The following RYR3 variants were observed in gnomAD, a reference collection of about 807,000 sequenced individuals.
RYR3 encodes the protein ryanodine receptor 3.
Under a neutral mutation model 584.3 loss-of-function variants are expected in RYR3, and 207 were observed. The observed-to-expected ratio is 0.35, with a 90% CI of 0.32 to 0.40. The LOEUF is 0.40. Among genes scored for constraint, RYR3 ranks in the 10% least tolerant of loss-of-function variants. The pLI is 1.00. For missense variants in RYR3, 5,616 were observed against 6,089.2 expected (o/e 0.92, Z 2.59); for synonymous variants, 2,416 against 2,248.5 (o/e 1.07, Z -2.11).
Position 33,581,447 on chromosome 15 carries a change from C to T in RYR3, c.1438-61C>T, listed in dbSNP as rs529554523. The T allele has an allele frequency of 2.0e-6, 3 of 1,527,278 alleles. No individual in the cohort carries two copies. In the African/African-American group the frequency reaches 4.1e-5, roughly 21 times the overall value. 94.6% of individuals were successfully genotyped at this position (1,527,278 alleles called of 1,614,324 possible). On this transcript the variant is annotated intron_variant, in intron 13 of 103. Transcript: ENST00000634891. ...GTGAATGATACAGGAGGGGAAAGAG[C>T]ATAAGGGACTGTGCTTTCTTAATCA...
chr15:33,375,516 C>T lies in RYR3; in HGVS notation c.51+64420C>T, dbSNP rs142708156. On this transcript the variant is annotated intron_variant, in intron 1 of 103. Coordinates refer to ENST00000634891, the MANE Select transcript of RYR3 (RefSeq NM_001036.6). ...TGAGTTCTGGGTAAAGCCAGATAGG[C>T]ATATTTCAAGGCTCCAGACTCAAAC... 3.3e-5 allele frequency among the ~76,000 whole-genome samples: 5 copies of T among 152,256 alleles called. No homozygotes were observed. The East Asian group carries it at 9.7e-4, about 29-fold the overall frequency.
rs1566894697 is a variant in RYR3, at chr15:33,659,719, G to C, written c.4309-1G>C. ...AGCTTTCGATTTGTTTTGATTTCCA[G>C]GTGGAGCCTAATACCAAAGTGTTTC... On this transcript the variant is annotated splice_acceptor_variant, in intron 32 of 103. Transcript: ENST00000634891. LOFTEE classifies it high-confidence loss of function. 6.2e-7 allele frequency: 1 copy of C among 1,603,036 alleles called. No homozygotes were observed. The highest frequency in any genetic ancestry group is 8.5e-7 in the Non-Finnish European group (1 of 1,169,970).
At chr15:33,807,809 G>C (rs2076285430) in intron 70 of RYR3, 4 of 560,680 alleles carry the variant, frequency 7.1e-6, no homozygotes, top group Non-Finnish European at 9.6e-6. Context: ...AGGTCTCCTT[G>C]CTATCTCTGC....
At chr15:33,701,819 A>G (rs974579727) in intron 42 of RYR3, among the ~76,000 whole-genome samples, 12 of 152,222 alleles carry the variant, frequency 7.9e-5, no homozygotes, top group Middle Eastern at 3.4e-3. Flanking sequence ...GATCAGCCGC[A>G]TTGTTGGGGA....
At chr15:33,578,800 C>T (rs1485912572) in intron 12 of RYR3, among the ~76,000 whole-genome samples, 9 of 143,542 alleles carry the variant, frequency 6.3e-5, no homozygotes, top group Admixed American at 6.1e-4. Context: ...AAAAACTCCT[C>T]GTGATGTTAC....
intron 26 of RYR3, 97 bp downstream of exon 26, chr15:33,635,916 A>G (rs1278450873): frequency 9.6e-7 from 1 of 1,041,718 alleles, no homozygotes. Context: ...TCTGGCTTCA[A>G]AGTGAGTGAC....
Position 33,831,017 on chromosome 15 carries a change from T to C in RYR3, c.11389T>C (p.Ser3797Pro). The C allele has an allele frequency of 1.9e-6, 3 of 1,613,784 alleles. No homozygotes were observed. The African/African-American group carries it at 4.0e-5, about 21-fold the overall frequency. The change falls in exon 86 of 104, where the codon TCT becomes CCT. Residue 3797 changes from serine (S) to proline (P), a missense_variant. By Grantham distance (74) the Ser-to-Pro change is moderately conservative. Coordinates refer to ENST00000634891, the MANE Select transcript of RYR3 (RefSeq NM_001036.6). ...YYSGKDIIDE[S>P]GQHNFSKALA... Reference sequence around the variant, plus strand: ...TTCAGGGAAGGACATCATTGATGAATCTGGACAGCACAATTTTTCCAAAGC... The same window carrying C: ...TTCAGGGAAGGACATCATTGATGAACCTGGACAGCACAATTTTTCCAAAGC...
In RYR3 at chr15:33,785,915, C is replaced by A; in HGVS notation, c.9522C>A (p.Gly3174=). The change falls in exon 66 of 104, where the codon GGC becomes GGA. Residue 3174 remains glycine, a synonymous_variant. Transcript: ENST00000634891. ...VTSEHLSLIL[G]NILKIINNNL... ...CTGAACACCTCAGTCTCATCCTGGG[C>A]AACATTCTGAAAATCATCAACAACA... 1 of 1,611,364 alleles carries A rather than the reference C, an allele frequency of 6.2e-7. No individual in the cohort carries two copies. Among genetic ancestry groups the A allele is most frequent in the Non-Finnish European group, 8.5e-7 (1 of 1,178,182 alleles).
intron 2 of RYR3, among the ~76,000 whole-genome samples, chr15:33,485,659 C>T (rs1325798820): frequency 6.6e-6 from 1 of 152,146 alleles, no homozygotes; most frequent in Non-Finnish European, 1.5e-5. Flanking sequence ...AATGGCATTT[C>T]CAAATAGTGT....
At position 33,742,347 on chromosome 15, in the gene RYR3, T is replaced by G; in HGVS notation, c.7821-19T>G. On this transcript the variant is annotated intron_variant, in intron 51 of 103. Coordinates refer to ENST00000634891, the MANE Select transcript of RYR3 (RefSeq NM_001036.6). The stretch of plus-strand genomic sequence containing the variant: ...TGAAGTGCTTGGGGAGGTTGTAATT[T>G]TTTTTCCTCATTTCACAGTTTTTCC... 6.4e-7 allele frequency: 1 copy of G among 1,571,652 alleles called. No homozygotes were observed. The highest frequency in any genetic ancestry group is 8.8e-7 in the Non-Finnish European group (1 of 1,141,558).
intron 80 of RYR3, among the ~76,000 whole-genome samples, chr15:33,822,017 C>CATTCATTCATT (rs2077134217): frequency 4.6e-5 from 7 of 151,414 alleles, no homozygotes; most frequent in Admixed American, 2.6e-4. Flanking sequence ...GTTCGTTCAT[C>CATTCATTCATT]CATTCATTCA....
intron 3 of RYR3, among the ~76,000 whole-genome samples, chr15:33,516,270 C>A (rs537610809): frequency 2.0e-5 from 3 of 152,002 alleles, no homozygotes; most frequent in Admixed American, 1.3e-4. Flanking sequence ...GCATGCCCCC[C>A]CCGAAATGAT....
In RYR3 at chr15:33,623,812, G is replaced by A. The variant is rs756680726; in HGVS notation, c.2363G>A (p.Arg788His). 8.7e-6 allele frequency: 14 copies of A among 1,608,740 alleles called. No homozygotes were observed. The highest frequency in any genetic ancestry group is 2.2e-5 in the East Asian group (1 of 44,868). Reference protein sequence around the residue: ...VMSFSAGVKVRFLMGGRHGEF... With the variant: ...VMSFSAGVKVHFLMGGRHGEF... ...CTGCTATCTTCAAATGACAGAGTAC[G>A]TTTCCTGATGGGTGGACGTCATGGA... Residue 788 changes from arginine (R) to histidine (H), a missense_variant, in exon 20 of 104, where the codon CGT becomes CAT. By Grantham distance (29) the Arg-to-His change is conservative. Coordinates refer to ENST00000634891, the MANE Select transcript of RYR3 (RefSeq NM_001036.6).
At position 33,680,961 on chromosome 15, in the gene RYR3, C is replaced by G. The variant is rs138744924; in HGVS notation, c.5860+10405C>G. Among the ~76,000 whole-genome samples the G allele has an allele frequency of 2.4e-4, 36 of 152,330 alleles. No homozygotes were observed. The East Asian group carries it at 5.8e-3, about 24-fold the overall frequency. On this transcript the variant is annotated intron_variant, in intron 38 of 103. Coordinates refer to ENST00000634891, the MANE Select transcript of RYR3 (RefSeq NM_001036.6). The stretch of plus-strand genomic sequence containing the variant: ...TGTGTTCTAGAAACTGGAGACTGTG[C>G]TGTCTGTAATCTACATACGTTACCT...
chr15:33,414,358 T>A (rs1205305587), intron 1 of RYR3, among the ~76,000 whole-genome samples: 1 of 152,286 alleles, frequency 6.6e-6, no homozygotes, highest in East Asian at 1.9e-4. Flanking sequence ...TGGGTCTGTA[T>A]AGCTAAAGTT....
intron 27 of RYR3, among the ~76,000 whole-genome samples, chr15:33,639,357 T>C (rs1452822373): frequency 6.6e-6 from 1 of 152,222 alleles, no homozygotes; most frequent in East Asian, 1.9e-4. Flanking sequence ...AGTTCCGCAA[T>C]GCCTTGTGAG....
Position 33,644,416 on chromosome 15 carries a change from G to A in RYR3, c.3662G>A (p.Gly1221Asp). ...TATACCATGTGCGGTCTCCAAGAGG[G>A]CTTTGAGCCTTTTGCTGTCAACATG... Reference protein sequence around the residue: ...KFYTMCGLQEGFEPFAVNMNR... With the variant: ...KFYTMCGLQEDFEPFAVNMNR... The change falls in exon 28 of 104, where the codon GGC becomes GAC. Residue 1221 changes from glycine (G) to aspartate (D), a missense_variant. Gly to Asp is a moderately conservative substitution (Grantham distance 94). Coordinates refer to ENST00000634891, the MANE Select transcript of RYR3 (RefSeq NM_001036.6). 1 of 1,613,826 alleles carries A rather than the reference G, an allele frequency of 6.2e-7. No homozygotes were observed. Among genetic ancestry groups the A allele is most frequent in the Non-Finnish European group, 8.5e-7 (1 of 1,179,794 alleles).
intron 60 of RYR3, among the ~76,000 whole-genome samples, chr15:33,762,267 A>T (rs1373385147): frequency 6.6e-6 from 1 of 152,214 alleles, no homozygotes; most frequent in Non-Finnish European, 1.5e-5. Flanking sequence ...GCAATCAGGC[A>T]AGAGAAAGAA....
chr15:33,692,432 C>T (rs896133649), intron 38 of RYR3, among the ~76,000 whole-genome samples: 2 of 152,050 alleles, frequency 1.3e-5, no homozygotes, highest in African/African-American at 4.8e-5. Flanking sequence ...CCTTCTGCCC[C>T]TCTCCCCCTG....
Sources: allele counts gnomAD v4.1 joint callset (sites outside exome capture counted in the v4.1 genomes callset), GRCh38; gene constraint gnomAD v4.1.1; transcripts MANE v1.5; gene names NCBI Gene and HGNC (gene_info 2026-07-23, HGNC 2026-07-21).